The following SLC25A16 variants were observed in gnomAD, a reference collection of about 807,000 sequenced individuals.
The protein encoded by SLC25A16 is solute carrier family 25 member 16, also known as mitochondrial coenzyme A transporter SLC25A16.
In SLC25A16, 39 loss-of-function variants were observed where a neutral mutation model predicts 41.5. The observed-to-expected ratio is 0.94, with a 90% CI of 0.73 to 1.23. The LOEUF (loss-of-function observed/expected upper bound fraction) is 1.23, where lower values mean the gene tolerates loss of function less well. Among genes scored for constraint, SLC25A16 ranks in the 50% most tolerant of loss-of-function variants. The pLI is 0.00. For missense variants in SLC25A16, 421 were observed against 426.9 expected, an observed-to-expected ratio of 0.99 and a Z score of 0.12; for synonymous variants, 146 against 147.8, an observed-to-expected ratio of 0.99 and a Z score of 0.09.
intron 4 of SLC25A16, among the ~76,000 whole-genome samples, chr10:68,501,735 C>T (rs1443117335): frequency 2.0e-5 from 3 of 151,832 alleles, no homozygotes; most frequent in Non-Finnish European, 2.9e-5. Flanking sequence ...TCCTGGGCAA[C>T]GGAGCAAGAC....
chr10:68,488,023 TTG>T (rs2052593328), intron 7 of SLC25A16, among the ~76,000 whole-genome samples: 1 of 152,120 alleles, frequency 6.6e-6, no homozygotes, highest in African/African-American at 2.4e-5. Context: ...CGGCTAATTT[TTG>T]TGTTTTTAGT....
rs117403110 is a variant in SLC25A16 at position 68,493,325 on chromosome 10, T to C, written c.543+124A>G. ...CCACCCTGAAACACAAAGATGTGTT[T>C]TCGTAATTATTGTTATTAACATCAA... On this transcript the variant is annotated intron_variant, in intron 5 of 8. Transcript: ENST00000609923. 1,502 of 1,125,420 alleles carry C rather than the reference T, an allele frequency of 1.3e-3. 6 individuals carry two copies. The highest frequency in any genetic ancestry group is 1.7e-3 in the Non-Finnish European group (1,306 of 768,796). 69.7% of individuals were successfully genotyped at this position (1,125,420 alleles called of 1,614,324 possible).
intron 3 of SLC25A16, 136 bp downstream of exon 3, chr10:68,506,449 T>TAAAA: frequency 1.9e-6 from 1 of 535,010 alleles, no homozygotes; most frequent in Non-Finnish European, 2.8e-6. Flanking sequence ...TCTCAAAAAT[T>TAAAA]AAAAAAAAAA....
rs12245966 is a variant in SLC25A16 at position 68,492,380 on chromosome 10, C to T, written c.610+752G>A. Among the ~76,000 whole-genome samples the T allele has an allele frequency of 3.5e-3, 538 of 152,200 alleles. 4 individuals are homozygous for T. The highest frequency in any genetic ancestry group is 0.012 in the African/African-American group (512 of 41,520). ...TTCTAGAATTGCAAAATAAAGCCAA[C>T]TGAGATGTTTAAACTAAACTGGCTG... On this transcript the variant is annotated intron_variant, in intron 6 of 8. Transcript: ENST00000609923.
At chr10:68,487,313 T>C (rs2052581553) in intron 7 of SLC25A16, 101 bp from the exon 8 acceptor site, 1 of 815,368 alleles carries the variant, frequency 1.2e-6, no homozygotes, top group Admixed American at 2.0e-5. Flanking sequence ...AACGTGTTAC[T>C]GCTCTTATTG....
At chr10:68,495,297 G>A (rs534343924) in intron 4 of SLC25A16, among the ~76,000 whole-genome samples, 5 of 151,960 alleles carry the variant, frequency 3.3e-5, no homozygotes, top group Admixed American at 2.0e-4. Context: ...TGTAATCTCA[G>A]CTACTCTACT....
intron 2 of SLC25A16, among the ~76,000 whole-genome samples, chr10:68,514,736 A>G (rs1008583726): frequency 6.6e-6 from 1 of 151,906 alleles, no homozygotes; most frequent in Non-Finnish European, 1.5e-5. Flanking sequence ...GGAACAACTA[A>G]GGTCTTGATT....
intron 2 of SLC25A16, among the ~76,000 whole-genome samples, chr10:68,511,014 A>G (rs2053054027): frequency 6.6e-6 from 1 of 152,196 alleles, no homozygotes; most frequent in Non-Finnish European, 1.5e-5. Flanking sequence ...CAAAGCGGGC[A>G]GAACACGAGG....
intron 3 of SLC25A16, among the ~76,000 whole-genome samples, chr10:68,504,014 C>T (rs140222239): frequency 0.014 from 1,795 of 131,672 alleles, 56 homozygotes; most frequent in African/African-American, 0.05. Flanking sequence ...GAATAAACTG[C>T]TACTTTTTTT....
intron 4 of SLC25A16, among the ~76,000 whole-genome samples, chr10:68,497,251 A>T (rs2052763814): frequency 6.6e-6 from 1 of 152,200 alleles, no homozygotes; most frequent in Non-Finnish European, 1.5e-5. Flanking sequence ...GTTTGACAAA[A>T]ATACATAGAT....
At chr10:68,503,394 G>T (rs7094147) in intron 4 of SLC25A16, 4,352 of 360,516 alleles carry the variant, frequency 0.012, 183 homozygotes, top group African/African-American at 0.084. Context: ...TTGGCGTACT[G>T]ATAATTTCAT....
intron 1 of SLC25A16, among the ~76,000 whole-genome samples, chr10:68,524,378 C>CT (rs2053301643): frequency 7.0e-6 from 1 of 142,506 alleles, no homozygotes; most frequent in Non-Finnish European, 1.5e-5. Context: ...TTCGTCTCTA[C>CT]TAAAAATACA....
intron 1 of SLC25A16, among the ~76,000 whole-genome samples, chr10:68,523,834 T>C (rs2795880): frequency 0.18 from 28,051 of 152,070 alleles, 3,019 homozygotes; most frequent in South Asian, 0.33. Context: ...ATTGGTGGCT[T>C]ATGCCTTTAA....
At chr10:68,493,065 GAAAAAAAAAA>G (rs11288507) in intron 6 of SLC25A16, 57 bp downstream of exon 6, 3 of 772,948 alleles carry the variant, frequency 3.9e-6, no homozygotes, top group Non-Finnish European at 6.3e-6. Flanking sequence ...TACCATTTCA[GAAAAAAAAAA>G]AAAAGGTAAC....
rs571344695 is a variant in SLC25A16, at chr10:68,506,555, G to A, written c.357+30C>T. The A allele has an allele frequency of 5.2e-5, 78 of 1,501,794 alleles. No homozygotes were observed. The Middle Eastern group carries it at 5.3e-4, about 10-fold the overall frequency. 93.0% of individuals were successfully genotyped at this position (1,501,794 alleles called of 1,614,324 possible). On this transcript the variant is annotated intron_variant, in intron 3 of 8. Transcript: ENST00000609923. ...TCAAGCATGCATGATATTCAAGAAC[G>A]CAAAAGAGAAAAGATCAAAGTTTAA...
Position 68,483,522 on chromosome 10 carries a change from A to G in SLC25A16, c.909T>C (p.Gly303=), listed in dbSNP as rs753574546. 10 of 1,612,272 alleles carry G rather than the reference A, an allele frequency of 6.2e-6. No homozygotes were observed. The highest frequency in any genetic ancestry group is 7.6e-6 in the Non-Finnish European group (9 of 1,178,958). ...TACAGCGAATGTAATTAAGAGATAA[A>G]CCACGATAGAGTCCTTTTCGAATTC... ...HHGIRKGLYR[G]LSLNYIRCIP... The change falls in exon 9 of 9, where the codon GGT becomes GGC. Residue 303 remains glycine (G), a synonymous_variant. Coordinates refer to ENST00000609923, the MANE Select transcript of SLC25A16 (RefSeq NM_152707.4).
intron 1 of SLC25A16, among the ~76,000 whole-genome samples, chr10:68,519,485 C>CAA (rs572226861): frequency 1.2e-5 from 1 of 81,768 alleles, no homozygotes. Context: ...GACTCCATCT[C>CAA]AAAAAAAAAA....
At chr10:68,509,747 A>C (rs1399954016) in intron 2 of SLC25A16, among the ~76,000 whole-genome samples, 1 of 145,824 alleles carries the variant, frequency 6.9e-6, no homozygotes, top group African/African-American at 2.5e-5. Flanking sequence ...ATATATCTAT[A>C]TATATAGATA....
At chr10:68,511,860 A>T (rs1039564784) in intron 2 of SLC25A16, among the ~76,000 whole-genome samples, 1 of 144,786 alleles carries the variant, frequency 6.9e-6, no homozygotes, top group African/African-American at 2.5e-5. Flanking sequence ...CATGCATTTA[A>T]TTTTTTTTTT....
Sources: gnomAD v4.1 joint callset for allele counts (sites outside exome capture counted in the v4.1 genomes callset) on GRCh38, gnomAD v4.1.1 for gene constraint, MANE v1.5 for transcripts, NCBI Gene and HGNC (gene_info 2026-07-23, HGNC 2026-07-21) for gene names.